The following EEA1 variants were observed in gnomAD, a reference collection of about 807,000 sequenced individuals.
The protein encoded by EEA1 is early endosome antigen 1.
EEA1 carries 111 observed loss-of-function variants against 209.2 expected under a neutral mutation model. The ratio of observed to expected loss-of-function variants is 0.53; its 90% CI spans 0.45 to 0.62. EEA1 has a LOEUF of 0.62. EEA1 is among the 20% of genes least tolerant of loss of function. The pLI, the probability that EEA1 is intolerant of heterozygous loss-of-function variation, is 0.00. For missense variants in EEA1, 1,343 were observed against 1,530.8 expected, an observed-to-expected ratio of 0.88 and a Z score of 2.05; for synonymous variants, 536 against 540.6, an observed-to-expected ratio of 0.99 and a Z score of 0.12.
intron 6 of EEA1, 80 bp downstream of exon 6, chr12:92,853,835 G>T: frequency 8.0e-7 from 1 of 1,247,708 alleles, no homozygotes; most frequent in South Asian, 1.4e-5. Context: ...AATTCATTTG[G>T]CAGGCATCAA....
At chr12:92,904,436 G>A (rs939441676) in intron 1 of EEA1, among the ~76,000 whole-genome samples, 2 of 152,158 alleles carry the variant, frequency 1.3e-5, no homozygotes, top group African/African-American at 2.4e-5. Flanking sequence ...ACAAATGTTT[G>A]AGTTTTCCAC....
intron 1 of EEA1, among the ~76,000 whole-genome samples, chr12:92,912,313 T>G (rs1397591751): frequency 6.6e-6 from 1 of 152,006 alleles, no homozygotes; most frequent in Admixed American, 6.6e-5. Flanking sequence ...CTTGTAATTC[T>G]CTTATGTAAT....
At chr12:92,776,697 G>A (rs1282213617) in intron 28 of EEA1, 147 bp downstream of exon 28, 4 of 707,676 alleles carry the variant, frequency 5.7e-6, no homozygotes, top group Non-Finnish European at 9.3e-6. Context: ...AAGCTAGACT[G>A]CATGAAGTTA....
intron 2 of EEA1, among the ~76,000 whole-genome samples, chr12:92,866,850 T>G (rs1878421550): frequency 6.6e-6 from 1 of 152,156 alleles, no homozygotes; most frequent in Non-Finnish European, 1.5e-5. Context: ...AACCTAAAAA[T>G]TTGGCTAAAC....
chr12:92,803,386 T>C (rs1207766380), intron 18 of EEA1, among the ~76,000 whole-genome samples: 1 of 152,098 alleles, frequency 6.6e-6, no homozygotes, highest in Non-Finnish European at 1.5e-5. Context: ...AATAAAGTTA[T>C]AGCTTTAGAA....
chr12:92,909,230 C>T (rs1880493142), intron 1 of EEA1, among the ~76,000 whole-genome samples: 1 of 152,168 alleles, frequency 6.6e-6, no homozygotes, highest in African/African-American at 2.4e-5. Flanking sequence ...TCAAAGGAAC[C>T]AGAATTTTCT....
chr12:92,929,023 A>G lies in EEA1; in HGVS notation c.24+20T>C. On this transcript the variant is annotated intron_variant, in intron 1 of 28. Coordinates refer to ENST00000322349, the MANE Select transcript of EEA1 (RefSeq NM_003566.4). ...CTGTCCCGCTCACGTGCTGCCAGAA[A>G]GACGGTTTCACTCTCTTACCCTCTG... 6.3e-7 allele frequency: 1 copy of G among 1,587,484 alleles called. No homozygotes were observed. Among genetic ancestry groups the G allele is most frequent in the Middle Eastern group, 1.7e-4 (1 of 6,012 alleles).
chr12:92,821,392 T>C (rs530964639), intron 13 of EEA1, among the ~76,000 whole-genome samples: 3 of 152,330 alleles, frequency 2.0e-5, no homozygotes, highest in Admixed American at 6.5e-5. Flanking sequence ...CTGAACTTCC[T>C]GTGTAGATAC....
intron 18 of EEA1, among the ~76,000 whole-genome samples, chr12:92,805,702 G>A (rs769018646): frequency 5.3e-5 from 8 of 152,176 alleles, no homozygotes; most frequent in Non-Finnish European, 1.2e-4. Context: ...TCAACATCAA[G>A]GATAAGCTGG....
intron 1 of EEA1, among the ~76,000 whole-genome samples, chr12:92,923,472 A>G (rs898471129): frequency 1.3e-5 from 2 of 152,142 alleles, no homozygotes; most frequent in African/African-American, 4.8e-5. Context: ...CCTACTCTAT[A>G]CTAAACTATA....
intron 21 of EEA1, among the ~76,000 whole-genome samples, chr12:92,788,762 G>T (rs1874254093): frequency 6.6e-6 from 1 of 152,136 alleles, no homozygotes; most frequent in African/African-American, 2.4e-5. Flanking sequence ...CCTTGTCAAT[G>T]TCTTACTTGA....
chr12:92,835,844 A>G (rs934088999), intron 10 of EEA1, among the ~76,000 whole-genome samples: 3 of 152,232 alleles, frequency 2.0e-5, no homozygotes, highest in African/African-American at 7.2e-5. Context: ...AATTTTCTTT[A>G]AAAGTACCGA....
At chr12:92,825,283 C>T (rs1277040654) in intron 13 of EEA1, among the ~76,000 whole-genome samples, 1 of 152,036 alleles carries the variant, frequency 6.6e-6, no homozygotes, top group Non-Finnish European at 1.5e-5. Context: ...AACCCCATCT[C>T]TACTAAAAAC....
Position 92,917,722 on chromosome 12 carries a change from A to G in EEA1, c.24+11321T>C, listed in dbSNP as rs1427732949. On this transcript the variant is annotated intron_variant, in intron 1 of 28. Transcript: ENST00000322349. ...AATCACCAGCTAACATCATAATGAC[A>G]GGATCAAATTCACACATAACAATAT... 2.1e-5 allele frequency among the ~76,000 whole-genome samples: 3 copies of G among 140,084 alleles called. No individual in the cohort carries two copies. In the East Asian group the frequency reaches 6.3e-4, roughly 30 times the overall value. The allele number at this position is 140,084 out of a possible 152,430, so 91.9% of individuals were successfully genotyped here. A position where few individuals can be genotyped will look rare whatever the true frequency, so the allele number is the denominator to read the frequency against.
intron 16 of EEA1, among the ~76,000 whole-genome samples, chr12:92,812,161 C>G (rs1365567078): frequency 2.6e-5 from 4 of 152,000 alleles, no homozygotes; most frequent in Non-Finnish European, 2.9e-5. Flanking sequence ...GAAACCCTGT[C>G]TCTACTAAAA....
chr12:92,859,058 T>C lies in EEA1; in HGVS notation c.246-1573A>G, dbSNP rs146808582. On this transcript the variant is annotated intron_variant, in intron 3 of 28. Transcript: ENST00000322349. Reference sequence around the variant, plus strand: ...GTTCAGGTCTCTTATTCTATTGGAGTTTCTCATCCATTATCTATCTCTGTT... The same window carrying C: ...GTTCAGGTCTCTTATTCTATTGGAGCTTCTCATCCATTATCTATCTCTGTT... 1.1e-3 allele frequency: 768 copies of C among 723,684 alleles called. 3 individuals carry two copies. The African/African-American group carries it at 0.013, about 12-fold the overall frequency. 44.8% of individuals were successfully genotyped at this position (723,684 alleles called of 1,614,324 possible).
chr12:92,883,422 G>T (rs942151627), intron 2 of EEA1, among the ~76,000 whole-genome samples: 7 of 151,930 alleles, frequency 4.6e-5, no homozygotes, highest in Admixed American at 4.6e-4. Context: ...TAATTAGTCC[G>T]GCTTGTCAAT....
intron 8 of EEA1, among the ~76,000 whole-genome samples, chr12:92,851,873 TA>T (rs1272818520): frequency 6.6e-6 from 1 of 152,024 alleles, no homozygotes; most frequent in Non-Finnish European, 1.5e-5. Context: ...GATGGATTTA[TA>T]AAACAAACAT....
intron 18 of EEA1, among the ~76,000 whole-genome samples, chr12:92,808,122 TATG>T (rs1461262712): frequency 6.6e-6 from 1 of 152,152 alleles, no homozygotes; most frequent in African/African-American, 2.4e-5. Context: ...ATATCATAAT[TATG>T]ATATTAGATA....
Sources: gnomAD v4.1 joint callset for allele counts (sites outside exome capture counted in the v4.1 genomes callset) on GRCh38, gnomAD v4.1.1 for gene constraint, MANE v1.5 for transcripts, NCBI Gene and HGNC (gene_info 2026-07-23, HGNC 2026-07-21) for gene names.